The following ZNF276 variants were observed in gnomAD, a reference collection of about 807,000 sequenced individuals.
The protein encoded by ZNF276 is centromere protein Z.
ZNF276 carries 59 observed loss-of-function variants against 63.9 expected under a neutral mutation model. The observed-to-expected ratio is 0.92, with a 90% confidence interval of 0.75 to 1.15. The LOEUF (loss-of-function observed/expected upper bound fraction) is 1.15. Ranked by LOEUF, ZNF276 falls within the 50% of genes most tolerant of loss-of-function variation. ZNF276 has a pLI of 0.00. For missense variants in ZNF276, 1,084 were observed against 843.8 expected, an observed-to-expected ratio of 1.28 and a Z score of -3.53; for synonymous variants, 496 against 348.4, an observed-to-expected ratio of 1.42 and a Z score of -4.72.
chr16:89,731,797 G>A (rs1439556361), intron 6 of ZNF276: 2 of 152,374 alleles, frequency 1.3e-5, no homozygotes, highest in African/African-American at 2.4e-5. Flanking sequence ...ACTGGGTTTT[G>A]TGTATGGATT....
rs770282073 is a variant in ZNF276 at position 89,738,737 on chromosome 16, A to G, written c.*491A>G. Reference sequence around the variant, plus strand: ...TGAGAGAGGAGCAGGTCCTCAGCCCATGCCGCCCACTAGGCCTCAGACCAC... The same window carrying G: ...TGAGAGAGGAGCAGGTCCTCAGCCCGTGCCGCCCACTAGGCCTCAGACCAC... On this transcript the variant is annotated 3_prime_UTR_variant, in exon 11 of 11. Coordinates refer to ENST00000443381, the MANE Select transcript of ZNF276 (RefSeq NM_001113525.2). 6 of 1,613,116 alleles carry G rather than the reference A, an allele frequency of 3.7e-6. No individual in the cohort carries two copies. Among genetic ancestry groups the G allele is most frequent in the East Asian group, 2.2e-5 (1 of 44,878 alleles).
rs1382340096 is a variant in ZNF276 at position 89,740,810 on chromosome 16, G to A, written c.*2564G>A. ...CTGGTAAGGTCTGACTTACATTTGA[G>A]GTCAGATGTGACGACAGCAGGCCCA... On this transcript the variant is annotated 3_prime_UTR_variant, in exon 11 of 11. Transcript: ENST00000443381. 4.4e-5 allele frequency: 71 copies of A among 1,613,182 alleles called. No individual in the cohort carries two copies. Among genetic ancestry groups the A allele is most frequent in the Non-Finnish European group, 5.7e-5 (67 of 1,179,556 alleles).
chr16:89,738,489 A>C lies in ZNF276; in HGVS notation c.*243A>C, dbSNP rs1473348484. On this transcript the variant is annotated 3_prime_UTR_variant, in exon 11 of 11. Coordinates refer to ENST00000443381, the MANE Select transcript of ZNF276 (RefSeq NM_001113525.2). ...TAAATAATTGATTCCTTTCCCCACT[A>C]AAGCAGTCGAGGAGATTTGTAATCC... 1.3e-6 allele frequency: 2 copies of C among 1,525,676 alleles called. No homozygotes were observed. The highest frequency in any genetic ancestry group is 1.8e-6 in the Non-Finnish European group (2 of 1,109,742). 94.5% of individuals were successfully genotyped at this position (1,525,676 alleles called of 1,614,324 possible).
chr16:89,721,965 G>A, intron 1 of ZNF276, 120 bp downstream of exon 1: 1 of 697,598 alleles, frequency 1.4e-6, no homozygotes, highest in Non-Finnish European at 1.9e-6. Context: ...GGGCGTAGCG[G>A]ACTCGGGGCT....
At chr16:89,721,511 T>TCGCCTCGCG, upstream of ZNF276, 1 of 789,680 alleles carries the variant, frequency 1.3e-6, no homozygotes, top group Non-Finnish European at 1.8e-6. Context: ...CCCGCCTCGC[T>TCGCCTCGCG]TTGCTTCTCG....
Position 89,721,647 on chromosome 16 carries a change from C to G in ZNF276, c.7C>G (p.Arg3Gly), listed in dbSNP as rs547689886. ...GCTGGCGTCCTCCGCTGCCATGAAG[C>G]GGGACCGGCTGGGCCGCTTCCTGTC... MKRDRLGRFLSPG... is the reference protein window; with the variant it reads MKGDRLGRFLSPG... Residue 3 changes from arginine (R) to glycine (G), a missense_variant, in exon 1 of 11, where the codon CGG (arginine) becomes GGG (glycine). Physicochemically the swap from Arg to Gly is moderately radical, Grantham distance 125 (BLOSUM62 -2). Transcript: ENST00000443381. The G allele has an allele frequency of 2.7e-6, 4 of 1,470,000 alleles. No homozygotes were observed. In the Admixed American group the frequency reaches 9.6e-5, roughly 35 times the overall value. The allele number at this position is 1,470,000 out of a possible 1,614,324, so 91.1% of individuals were successfully genotyped here. A position where few individuals can be genotyped will look rare whatever the true frequency, so the allele number is the denominator to read the frequency against.
chr16:89,722,934 T>C, intron 2 of ZNF276, 100 bp downstream of exon 2: 1 of 1,554,338 alleles, frequency 6.4e-7, no homozygotes, highest in Non-Finnish European at 8.7e-7. Context: ...AGCCTCTGGG[T>C]GGGGGGAATG....
intron 6 of ZNF276, among the ~76,000 whole-genome samples, chr16:89,730,881 G>A (rs1052805125): frequency 2.0e-5 from 3 of 152,246 alleles, no homozygotes; most frequent in Non-Finnish European, 2.9e-5. Flanking sequence ...AGCTGGGGGC[G>A]CATGAGAAGA....
Position 89,737,888 on chromosome 16 carries a change from G to A in ZNF276, c.1557G>A (p.Ser519=), listed in dbSNP as rs751688287. 8.7e-6 allele frequency: 14 copies of A among 1,612,522 alleles called. No individual in the cohort carries two copies. The highest frequency in any genetic ancestry group is 8.1e-5 in the African/African-American group (6 of 74,182). ...KHLLVHQMRH[S]GAKPLQCEVC... is the part of the protein sequence containing the mutation. ...TTCTCGTCCACCAAATGCGACATTC[G>A]GGAGCCAAGCCTTTGCAGTAAGTGT... Residue 519 remains serine, a synonymous_variant, in exon 10 of 11, where the codon TCG becomes TCA. Transcript: ENST00000443381.
Position 89,740,836 on chromosome 16 carries a change from T to G in ZNF276, c.*2590T>G. The G allele has an allele frequency of 1.9e-6, 3 of 1,613,584 alleles. No individual in the cohort carries two copies. Among genetic ancestry groups the G allele is most frequent in the Non-Finnish European group, 2.5e-6 (3 of 1,179,782 alleles). Reference sequence around the variant, plus strand: ...GTCAGATGTGACGACAGCAGGCCCATCAAGGAGAAGAAGAAAAGGAAAACC... The same window carrying G: ...GTCAGATGTGACGACAGCAGGCCCAGCAAGGAGAAGAAGAAAAGGAAAACC... On this transcript the variant is annotated 3_prime_UTR_variant, in exon 11 of 11. Transcript: ENST00000443381.
Position 89,740,915 on chromosome 16 carries a change from G to A in ZNF276, c.*2669G>A, listed in dbSNP as rs1407152415. On this transcript the variant is annotated 3_prime_UTR_variant, in exon 11 of 11. Coordinates refer to ENST00000443381, the MANE Select transcript of ZNF276 (RefSeq NM_001113525.2). ...TTATTACATTAAAATTACCTGTGCT[G>A]TCATTCTAAATAAGGCTGACACATT... The A allele has an allele frequency of 2.7e-6, 4 of 1,505,476 alleles. No homozygotes were observed. Among genetic ancestry groups the A allele is most frequent in the African/African-American group, 2.8e-5 (2 of 72,162 alleles). The allele number at this position is 1,505,476 out of a possible 1,614,324, so 93.3% of individuals were successfully genotyped here.
rs749746158 is a variant in ZNF276 at position 89,733,361 on chromosome 16, G to A, written c.1229G>A (p.Arg410Gln). Residue 410 changes from arginine to glutamine, a missense_variant, in exon 7 of 11, where the codon CGG (arginine) becomes CAG (glutamine). Transcript: ENST00000443381. Reference sequence around the variant, plus strand: ...AAGAAGTCTGAAGAACCAAGAATTCGGAAGAAGCCGGGACCCAAGCCCGGA... The same window carrying A: ...AAGAAGTCTGAAGAACCAAGAATTCAGAAGAAGCCGGGACCCAAGCCCGGA... Reference protein sequence around the residue: ...EAKKSEEPRIRKKPGPKPGWK... With the variant: ...EAKKSEEPRIQKKPGPKPGWK... The A allele has an allele frequency of 1.1e-5, 17 of 1,614,058 alleles. No individual in the cohort carries two copies. The highest frequency in any genetic ancestry group is 5.3e-5 in the African/African-American group (4 of 74,946).
At chr16:89,721,877 G>T in intron 1 of ZNF276, 32 bp downstream of exon 1, 1 of 1,188,874 alleles carries the variant, frequency 8.4e-7, no homozygotes, top group Non-Finnish European at 1.0e-6. Context: ...GGCGGGTTGG[G>T]GTCGCGGCAG....
rs1020487077 is a variant in ZNF276, at chr16:89,728,443, G to C, written c.1086-792G>C. ...ATTTGAGACGGAGTCTCGCTGTGTT[G>C]CCCAGGCTGGAGTGCAGTGGCACAA... On this transcript the variant is annotated intron_variant, in intron 5 of 10. Coordinates refer to ENST00000443381, the MANE Select transcript of ZNF276 (RefSeq NM_001113525.2). Among the ~76,000 whole-genome samples, 3 of 151,686 alleles carry C rather than the reference G, an allele frequency of 2.0e-5. No homozygotes were observed. The East Asian group carries it at 5.8e-4, about 29-fold the overall frequency.
At chr16:89,726,763 A>G (rs1173261914) in intron 4 of ZNF276, among the ~76,000 whole-genome samples, 5 of 152,176 alleles carry the variant, frequency 3.3e-5, no homozygotes, top group Admixed American at 2.6e-4. Flanking sequence ...CTTCTGCCTC[A>G]GCCTCCCAGG....
chr16:89,736,882 G>A (rs2061931594), intron 9 of ZNF276, among the ~76,000 whole-genome samples: 1 of 151,078 alleles, frequency 6.6e-6, no homozygotes, highest in African/African-American at 2.4e-5. Flanking sequence ...TCCAGCCTGG[G>A]CAACAGAGCA....
intron 9 of ZNF276, among the ~76,000 whole-genome samples, chr16:89,734,410 C>G (rs2061780410): frequency 6.6e-6 from 1 of 152,208 alleles, no homozygotes; most frequent in African/African-American, 2.4e-5. Context: ...ACCACAACCT[C>G]TGCCTCCCAG....
rs373907040 is a variant in ZNF276, at chr16:89,737,946, C to T, written c.1575-30C>T. On this transcript the variant is annotated intron_variant, in intron 10 of 10. Coordinates refer to ENST00000443381, the MANE Select transcript of ZNF276 (RefSeq NM_001113525.2). ...GACCCCCTCCCAGGGCTGTGGCCCT[C>T]GCACCTTCTTATCTGCCTCTGTCCC... 16 of 1,613,828 alleles carry T rather than the reference C, an allele frequency of 9.9e-6. No homozygotes were observed. The Admixed American group carries it at 1.0e-4, about 10-fold the overall frequency.
At chr16:89,729,433 TC>T in intron 6 of ZNF276, 115 bp downstream of exon 6, 1 of 929,342 alleles carries the variant, frequency 1.1e-6, no homozygotes, top group Non-Finnish European at 1.7e-6. Flanking sequence ...TGTGCGGATC[TC>T]CCGAGCCCAG....
Sources: gnomAD v4.1 joint callset for allele counts (sites outside exome capture counted in the v4.1 genomes callset) on GRCh38, gnomAD v4.1.1 for gene constraint, MANE v1.5 for transcripts, NCBI Gene and HGNC (gene_info 2026-07-23, HGNC 2026-07-21) for gene names.